DNAH17: variants seen among roughly 807,000 people sequenced by gnomAD.
DNAH17 encodes the protein dynein axonemal heavy chain 17, also known as axonemal beta dynein heavy chain 17.
DNAH17 carries 376 observed loss-of-function variants against 485.6 expected under a neutral mutation model. The observed-to-expected ratio is 0.77, with a 90% CI of 0.71 to 0.84. The LOEUF (loss-of-function observed/expected upper bound fraction) is 0.84, where lower values mean the gene tolerates loss of function less well. DNAH17 is among the 40% of genes least tolerant of loss of function. The probability of loss-of-function intolerance (pLI) is 0.00; values close to 1 mark genes in which losing one functional copy is unlikely to be tolerated. For missense variants in DNAH17, 6,370 were observed against 5,839.3 expected, an observed-to-expected ratio of 1.09 and a Z score of -2.96; for synonymous variants, 3,031 against 2,405.9, an observed-to-expected ratio of 1.26 and a Z score of -7.60.
chr17:78,440,948 G>T (rs1436676537), intron 72 of DNAH17, 103 bp downstream of exon 72: 1 of 1,385,458 alleles, frequency 7.2e-7, no homozygotes. Flanking sequence ...CGCGTCTTGG[G>T]TGTGAAGTGG....
At chr17:78,428,190 T>G (rs1598433605) in intron 77 of DNAH17, 3 of 395,094 alleles carry the variant, frequency 7.6e-6, no homozygotes, top group South Asian at 6.6e-5. Context: ...CAGGCCAGGG[T>G]GGGGAATGGT....
intron 12 of DNAH17, 36 bp downstream of exon 12, chr17:78,561,679 G>A: frequency 1.9e-6 from 3 of 1,567,654 alleles, no homozygotes; most frequent in South Asian, 2.4e-5. Context: ...CACCATGGAG[G>A]CGGGGTGCCT....
chr17:78,440,829 C>T (rs562128509), intron 72 of DNAH17, among the ~76,000 whole-genome samples: 3 of 152,188 alleles, frequency 2.0e-5, no homozygotes, highest in Non-Finnish European at 2.9e-5. Flanking sequence ...TCCACAGCAG[C>T]GGCCCCATTT....
At chr17:78,532,017 G>C (rs1183351681) in intron 20 of DNAH17, among the ~76,000 whole-genome samples, 1 of 152,092 alleles carries the variant, frequency 6.6e-6, no homozygotes. Context: ...CCACACCTCC[G>C]ACCATCCCCT....
intron 33 of DNAH17, 127 bp from the exon 34 acceptor site, chr17:78,502,000 G>A: frequency 7.2e-7 from 1 of 1,389,490 alleles, no homozygotes; most frequent in South Asian, 1.3e-5. Flanking sequence ...TGAAAAACAA[G>A]AGCGCCCTCG....
chr17:78,442,421 G>C (rs1178828125), intron 71 of DNAH17, among the ~76,000 whole-genome samples: 1 of 152,218 alleles, frequency 6.6e-6, no homozygotes. Context: ...GGGTGGGGAG[G>C]AGTTGCTCCT....
rs1029441451 is a variant in DNAH17, at chr17:78,462,965, T to C, written c.9053A>G (p.Lys3018Arg). The C allele has an allele frequency of 2.5e-6, 4 of 1,613,862 alleles. No homozygotes were observed. Among genetic ancestry groups the C allele is most frequent in the African/African-American group, 2.7e-5 (2 of 74,908 alleles). Residue 3018 changes from lysine (K) to arginine (R), a missense_variant, in exon 57 of 81, where the codon AAA becomes AGA. By Grantham distance (26) the Lys-to-Arg change is conservative. Coordinates refer to ENST00000389840, the MANE Select transcript of DNAH17 (RefSeq NM_173628.4). ...TERRYNYTTP[K>R]TFLEQIKLYQ... The stretch of plus-strand genomic sequence containing the variant: ...CAGTTTGATCTGCTCCAGAAAGGTT[T>C]TGGGTGTGGTGTAGTTGTAGCGCCT...
At chr17:78,495,733 C>A in intron 38 of DNAH17, 142 bp downstream of exon 38, 5 of 1,017,882 alleles carry the variant, frequency 4.9e-6, no homozygotes, top group Non-Finnish European at 6.9e-6. Context: ...TTACTGTGCC[C>A]GGCCATCTTG....
At position 78,526,803 on chromosome 17, in the gene DNAH17, C is replaced by T. The variant is rs1190818858; in HGVS notation, c.3625-66G>A. ...GCCACCTGCCCCAAGGGTGGCCCCA[C>T]CCTGTATGCCGCAGGGCCCTGGGTG... On this transcript the variant is annotated intron_variant, in intron 23 of 80. Transcript: ENST00000389840. The T allele has an allele frequency of 2.6e-6, 4 of 1,560,352 alleles. No individual in the cohort carries two copies. In the Admixed American group the frequency reaches 5.6e-5, roughly 22 times the overall value.
At chr17:78,449,346 A>C in intron 69 of DNAH17, 68 bp downstream of exon 69, 1 of 1,479,876 alleles carries the variant, frequency 6.8e-7, no homozygotes, top group Non-Finnish European at 9.1e-7. Context: ...CCTTTCCACA[A>C]AGCTCCCAGG....
At chr17:78,480,033 T>TAAGAA (rs2089280704) in intron 49 of DNAH17, among the ~76,000 whole-genome samples, 17 of 102,486 alleles carry the variant, frequency 1.7e-4, no homozygotes, top group East Asian at 3.0e-4. Context: ...TTTTTTTTTT[T>TAAGAA]TTTTTTTTTT....
rs756011612 is a variant in DNAH17 at position 78,444,612 on chromosome 17, G to A, written c.11520C>T (p.Tyr3840=). The change falls in exon 71 of 81, where the codon TAC becomes TAT. Residue 3840 remains tyrosine, a synonymous_variant. Coordinates refer to ENST00000389840, the MANE Select transcript of DNAH17 (RefSeq NM_173628.4). ...CGCGGCGGGACACTCACTTGATAGC[G>A]TAGGTCATGCGATCTGGCCGCAGGC... is the stretch of plus-strand genomic sequence containing the variant. The part of the protein sequence containing the change: ...VRCLRPDRMT[Y]AIKNFVEEKM... The A allele has an allele frequency of 1.6e-4, 251 of 1,565,250 alleles. No individual in the cohort carries two copies. The highest frequency in any genetic ancestry group is 1.9e-4 in the Non-Finnish European group (222 of 1,155,984).
chr17:78,425,160 CCT>C lies in DNAH17; in HGVS notation c.13141+184_13141+185del, dbSNP rs1192084890. On this transcript the variant is annotated intron_variant, in intron 80 of 80. Transcript: ENST00000389840. The stretch of plus-strand genomic sequence containing the variant: ...TCCAGACCCTGCACATTCCCTGAAT[CCT>C]CTCAACCCTCTCTAGGGTCAGCGTG... The C allele has an allele frequency of 8.3e-6, 5 of 600,912 alleles. No homozygotes were observed. In the East Asian group the frequency reaches 8.5e-5, roughly 10 times the overall value. The allele number at this position is 600,912 out of a possible 1,614,324, so 37.2% of individuals were successfully genotyped here.
rs934602414 is a variant in DNAH17 at position 78,493,968 on chromosome 17, C to T, written c.6408+68G>A. 56 of 1,533,800 alleles carry T rather than the reference C, an allele frequency of 3.7e-5. 1 individual carries two copies. Among genetic ancestry groups the T allele is most frequent in the East Asian group, 1.9e-4 (8 of 42,258 alleles). On this transcript the variant is annotated intron_variant, in intron 41 of 80. Coordinates refer to ENST00000389840, the MANE Select transcript of DNAH17 (RefSeq NM_173628.4). ...GGGGTGGCGGGGAGTGATGGAGGGCCGACCCTTCGCCCCAGCCCTCCCCCA... is the reference window on the plus strand; with the variant it reads ...GGGGTGGCGGGGAGTGATGGAGGGCTGACCCTTCGCCCCAGCCCTCCCCCA...
At chr17:78,489,584 C>A in intron 44 of DNAH17, 1 of 151,508 alleles carries the variant, frequency 6.6e-6, no homozygotes, top group Non-Finnish European at 1.5e-5. Context: ...GGTGAATGCT[C>A]CCTCCTGAAG....
intron 2 of DNAH17, 74 bp from the exon 3 acceptor site, chr17:78,572,968 C>G: frequency 7.1e-7 from 1 of 1,398,636 alleles, no homozygotes; most frequent in East Asian, 2.4e-5. Context: ...GCCAGGTCCC[C>G]GGGGGGTTCC....
At chr17:78,506,616 T>C in intron 30 of DNAH17, 104 bp downstream of exon 30, 3 of 1,539,612 alleles carry the variant, frequency 1.9e-6, no homozygotes, top group South Asian at 2.4e-5. Flanking sequence ...ATGGGGCACG[T>C]CCAAGGACAC....
At chr17:78,503,123 G>T in intron 31 of DNAH17, 112 bp from the exon 32 acceptor site, 1 of 1,291,238 alleles carries the variant, frequency 7.7e-7, no homozygotes. Flanking sequence ...CCTCATCCCA[G>T]GGGCAGACAG....
intron 76 of DNAH17, 44 bp downstream of exon 76, chr17:78,429,077 G>C (rs774583934): frequency 6.3e-7 from 1 of 1,591,462 alleles, no homozygotes. Flanking sequence ...CGGGAGGCAC[G>C]AGCCTTCATT....
Sources: gnomAD v4.1 joint callset for allele counts (sites outside exome capture counted in the v4.1 genomes callset) on GRCh38, gnomAD v4.1.1 for gene constraint, MANE v1.5 for transcripts, NCBI Gene and HGNC (gene_info 2026-07-23, HGNC 2026-07-21) for gene names.